The following NIBAN1 variants were observed in gnomAD, a reference collection of about 807,000 sequenced individuals.
NIBAN1 encodes niban apoptosis regulator 1, also known as protein Niban 1.
In NIBAN1, 81 loss-of-function variants were observed where a neutral mutation model predicts 75.1. The ratio of observed to expected loss-of-function variants is 1.08; its 90% CI spans 0.90 to 1.30. The LOEUF (loss-of-function observed/expected upper bound fraction) is 1.30, where lower values mean the gene tolerates loss of function less well. Ranked by LOEUF, NIBAN1 falls within the 50% of genes most tolerant of loss-of-function variation. The pLI is 0.00. For missense variants in NIBAN1, 1,133 were observed against 1,128.1 expected, an observed-to-expected ratio of 1.00 and a Z score of -0.06; for synonymous variants, 436 against 424.8, an observed-to-expected ratio of 1.03 and a Z score of -0.32.
chr1:184,894,252 C>A, intron 2 of NIBAN1, 46 bp from the exon 3 acceptor site: 1 of 1,534,394 alleles, frequency 6.5e-7, no homozygotes, highest in Non-Finnish European at 8.7e-7. Flanking sequence ...AAAGATAACA[C>A]ACCTTGTTAC....
intron 8 of NIBAN1, 45 bp downstream of exon 8, chr1:184,823,122 G>T (rs374298627): frequency 6.3e-7 from 1 of 1,597,120 alleles, no homozygotes; most frequent in Non-Finnish European, 8.6e-7. Flanking sequence ...ATCCCTGCAT[G>T]TACAGCTTAT....
intron 2 of NIBAN1, among the ~76,000 whole-genome samples, chr1:184,896,996 C>T (rs1418769415): frequency 1.3e-5 from 2 of 151,952 alleles, no homozygotes; most frequent in African/African-American, 4.8e-5. Flanking sequence ...AGATTTGTTC[C>T]CTTGCTTGGG....
At chr1:184,927,199 A>G (rs989019499) in intron 1 of NIBAN1, among the ~76,000 whole-genome samples, 2 of 151,916 alleles carry the variant, frequency 1.3e-5, no homozygotes, top group African/African-American at 4.8e-5. Context: ...GTTTTCCTGG[A>G]TGGTCTTGAT....
Position 184,795,346 on chromosome 1 carries a change from C to T in NIBAN1, c.2418G>A (p.Glu806=), listed in dbSNP as rs1355479491. The stretch of plus-strand genomic sequence containing the variant: ...GCTCCCCCTCCATGGGCCCCAGGGG[C>T]TCCTCGGTGAGCCCTCCACTGGCTG... ...SPPASGGLTE[E]PLGPMEGELP... is the part of the protein sequence containing the mutation. The change falls in exon 14 of 14, where the codon GAG becomes GAA. Residue 806 remains glutamate (E), a synonymous_variant. Coordinates refer to ENST00000367511, the MANE Select transcript of NIBAN1 (RefSeq NM_052966.4). The T allele has an allele frequency of 3.1e-6, 5 of 1,609,562 alleles. No individual in the cohort carries two copies. The highest frequency in any genetic ancestry group is 4.2e-6 in the Non-Finnish European group (5 of 1,177,998).
intron 8 of NIBAN1, among the ~76,000 whole-genome samples, chr1:184,820,364 C>T (rs1419338725): frequency 6.6e-6 from 1 of 152,234 alleles, no homozygotes; most frequent in East Asian, 1.9e-4. Flanking sequence ...CACTCTCCCT[C>T]TGTGCCTACT....
chr1:184,945,095 G>C (rs748229639), intron 1 of NIBAN1, among the ~76,000 whole-genome samples: 6 of 152,236 alleles, frequency 3.9e-5, no homozygotes, highest in Non-Finnish European at 8.8e-5. Flanking sequence ...TGCTGGCACA[G>C]AGGCACGAAA....
intron 1 of NIBAN1, among the ~76,000 whole-genome samples, 186 bp downstream of exon 1, chr1:184,974,116 T>G (rs1659011145): frequency 6.6e-6 from 1 of 151,958 alleles, no homozygotes; most frequent in Non-Finnish European, 1.5e-5. Flanking sequence ...CGGTCCCCGG[T>G]CCACACCCGC....
chr1:184,827,432 G>A lies in NIBAN1; in HGVS notation c.718-3690C>T, dbSNP rs534606248. On this transcript the variant is annotated intron_variant, in intron 6 of 13. Transcript: ENST00000367511. ...TGCCTTCCACAAGCAGAGTCTTAAG[G>A]TCTTGGGCTTTTCTAGAGAAAGTAG... Among the ~76,000 whole-genome samples, 7 of 151,974 alleles carry A rather than the reference G, an allele frequency of 4.6e-5. No homozygotes were observed. In the South Asian group the frequency reaches 1.5e-3, roughly 32 times the overall value.
At chr1:184,854,315 T>A (rs546989727) in intron 5 of NIBAN1, among the ~76,000 whole-genome samples, 1 of 152,206 alleles carries the variant, frequency 6.6e-6, no homozygotes, top group Non-Finnish European at 1.5e-5. Flanking sequence ...TCAAACAGCC[T>A]CATTACAAAG....
At chr1:184,905,047 A>T (rs1657056752) in intron 1 of NIBAN1, among the ~76,000 whole-genome samples, 1 of 152,274 alleles carries the variant, frequency 6.6e-6, no homozygotes, top group Non-Finnish European at 1.5e-5. Context: ...GGAACAAAAA[A>T]GTGAAAACCA....
rs1472658624 is a variant in NIBAN1, at chr1:184,928,146, G to A, written c.56-28837C>T. Among the ~76,000 whole-genome samples, 9 of 152,112 alleles carry A rather than the reference G, an allele frequency of 5.9e-5. 1 individual carries two copies. Among genetic ancestry groups the A allele is most frequent in the Admixed American group, 5.2e-4 (8 of 15,286 alleles). Reference sequence around the variant, plus strand: ...CAGGGTGTGTTTAGAAATGTCCTTTGGGAACTAGGGGCTGGAATGGGGGCC... The same window carrying A: ...CAGGGTGTGTTTAGAAATGTCCTTTAGGAACTAGGGGCTGGAATGGGGGCC... On this transcript the variant is annotated intron_variant, in intron 1 of 13. Coordinates refer to ENST00000367511, the MANE Select transcript of NIBAN1 (RefSeq NM_052966.4).
At chr1:184,913,662 C>A (rs1397942100) in intron 1 of NIBAN1, among the ~76,000 whole-genome samples, 1 of 152,094 alleles carries the variant, frequency 6.6e-6, no homozygotes, top group Non-Finnish European at 1.5e-5. Context: ...GAAAACCAAA[C>A]CAACATTCAA....
At chr1:184,901,087 C>A (rs1465379807) in intron 1 of NIBAN1, among the ~76,000 whole-genome samples, 5 of 152,084 alleles carry the variant, frequency 3.3e-5, no homozygotes, top group African/African-American at 1.2e-4. Flanking sequence ...CCTATAGAAC[C>A]ATAGCCAAAA....
Position 184,798,050 on chromosome 1 carries a change from T to A in NIBAN1, c.1666+29A>T, listed in dbSNP as rs758037389. On this transcript the variant is annotated intron_variant, in intron 13 of 13. Coordinates refer to ENST00000367511, the MANE Select transcript of NIBAN1 (RefSeq NM_052966.4). ...CAGGGATGCTCCCCTCTATGGAGTG[T>A]CCCTGCAGCACCAGGTAACCTTTCT... 27 of 1,484,896 alleles carry A rather than the reference T, an allele frequency of 1.8e-5. No homozygotes were observed. The East Asian group carries it at 3.6e-4, about 20-fold the overall frequency. The allele number at this position is 1,484,896 out of a possible 1,614,324, so 92.0% of individuals were successfully genotyped here. A position where few individuals can be genotyped will look rare whatever the true frequency, so the allele number is the denominator to read the frequency against.
At chr1:184,887,138 C>T (rs1656547709) in intron 4 of NIBAN1, among the ~76,000 whole-genome samples, 1 of 152,106 alleles carries the variant, frequency 6.6e-6, no homozygotes, top group African/African-American at 2.4e-5. Context: ...ATCAGTCAAT[C>T]AATCAATCCG....
intron 5 of NIBAN1, among the ~76,000 whole-genome samples, chr1:184,873,098 A>T (rs2102290546): frequency 6.6e-6 from 1 of 152,370 alleles, no homozygotes; most frequent in Non-Finnish European, 1.5e-5. Context: ...ACAGGAAAAT[A>T]ATTGCTGCAC....
At chr1:184,953,953 T>C (rs377320919) in intron 1 of NIBAN1, among the ~76,000 whole-genome samples, 2 of 152,202 alleles carry the variant, frequency 1.3e-5, no homozygotes, top group South Asian at 4.1e-4. Flanking sequence ...ATAAGGTAAT[T>C]ATGTTATTTC....
chr1:184,881,439 T>C (rs1365099810), intron 5 of NIBAN1, among the ~76,000 whole-genome samples: 1 of 151,778 alleles, frequency 6.6e-6, no homozygotes, highest in Non-Finnish European at 1.5e-5. Flanking sequence ...CTAGGAGACA[T>C]GTCCTGGAAC....
chr1:184,936,021 G>GAAA (rs371040471), intron 1 of NIBAN1, among the ~76,000 whole-genome samples: 5 of 124,516 alleles, frequency 4.0e-5, no homozygotes, highest in African/African-American at 5.9e-5. Flanking sequence ...TGTGATAGAT[G>GAAA]AAAAAAAAAA....
Sources: allele counts gnomAD v4.1 joint callset (sites outside exome capture counted in the v4.1 genomes callset), GRCh38; gene constraint gnomAD v4.1.1; transcripts MANE v1.5; gene names NCBI Gene and HGNC (gene_info 2026-07-23, HGNC 2026-07-21).